P4HTM: variants seen among roughly 807,000 people sequenced by gnomAD.
The protein encoded by P4HTM is prolyl 4-hydroxylase, transmembrane, also known as transmembrane prolyl 4-hydroxylase.
In P4HTM, 33 loss-of-function variants were observed where a neutral mutation model predicts 55.3. That is an observed-to-expected ratio of 0.60 (90% CI 0.45 to 0.80). The LOEUF (loss-of-function observed/expected upper bound fraction) is 0.80, where lower values mean the gene tolerates loss of function less well. Among genes scored for constraint, P4HTM ranks in the 30% least tolerant of loss-of-function variants. P4HTM has a pLI of 0.00. For synonymous variants in P4HTM, 272 were observed against 286.4 expected (o/e 0.95, Z 0.51); for missense variants, 542 against 696.5 (o/e 0.78, Z 2.50).
At chr3:48,992,932 G>T (rs370196775) in intron 2 of P4HTM, among the ~76,000 whole-genome samples, 2 of 151,880 alleles carry the variant, frequency 1.3e-5, no homozygotes, top group East Asian at 4.0e-4. Context: ...CTCCCAAAGT[G>T]CTGGGATTAC....
At chr3:49,005,080 C>A in intron 6 of P4HTM, 34 bp downstream of exon 6, 1 of 1,613,818 alleles carries the variant, frequency 6.2e-7, no homozygotes, top group Middle Eastern at 1.6e-4. Flanking sequence ...TGCCTTCAAT[C>A]CTCAGACCAG....
intron 2 of P4HTM, among the ~76,000 whole-genome samples, chr3:48,993,426 G>A (rs1452100565): frequency 2.0e-5 from 3 of 152,086 alleles, no homozygotes; most frequent in Admixed American, 6.6e-5. Flanking sequence ...CACTACTAAC[G>A]ACTACTATGA....
At position 49,002,671 on chromosome 3, in the gene P4HTM, T is replaced by G. The variant is rs763283979; in HGVS notation, c.724+75T>G. On this transcript the variant is annotated intron_variant, in intron 4 of 8. Transcript: ENST00000383729. The surrounding 1 kb of genome is among the most constrained non-coding windows in gnomAD (Gnocchi z 4.4). ...TCCCAGGTGCACAATTTTGAAAACTTGGGCCCTTCCCCCACAGCCAGGCAG... is the reference window on the plus strand; with the variant it reads ...TCCCAGGTGCACAATTTTGAAAACTGGGGCCCTTCCCCCACAGCCAGGCAG... The G allele has an allele frequency of 8.5e-7, 1 of 1,174,052 alleles. No individual in the cohort carries two copies. The highest frequency in any genetic ancestry group is 1.2e-5 in the South Asian group (1 of 82,380). The allele number at this position is 1,174,052 out of a possible 1,614,324, so 72.7% of individuals were successfully genotyped here.
At chr3:48,995,611 C>G (rs1202387109) in intron 2 of P4HTM, among the ~76,000 whole-genome samples, 1 of 151,646 alleles carries the variant, frequency 6.6e-6, no homozygotes, top group African/African-American at 2.4e-5. Flanking sequence ...GAGATGGAGT[C>G]TCGCTCTGTT....
Position 49,002,537 on chromosome 3 carries a change from T to C in P4HTM, c.665T>C (p.Met222Thr). ...ACTCGCCTGGGAAATGGATGGTGGA[T>C]GACTCCAGAGAGCATTCAGGAGATG... ...AQTRLGNGWW[M>T]TPESIQEMYA... The change falls in exon 4 of 9, where the codon ATG becomes ACG. Residue 222 changes from methionine to threonine, a missense_variant. Transcript: ENST00000383729. This position sits in a 1 kb window ranked among gnomAD's most constrained non-coding sequence, Gnocchi z 4.4. The C allele has an allele frequency of 6.2e-7, 1 of 1,614,118 alleles. No individual in the cohort carries two copies.
At chr3:49,004,462 G>A in intron 5 of P4HTM, 1 of 586,186 alleles carries the variant, frequency 1.7e-6, no homozygotes. Context: ...CACACAATGG[G>A]CAACTGGGGT....
upstream of P4HTM, chr3:48,990,071 G>A: frequency 3.0e-6 from 1 of 335,494 alleles, no homozygotes; most frequent in Non-Finnish European, 4.5e-6. This position sits in a 1 kb window ranked among gnomAD's most constrained non-coding sequence, Gnocchi z 7.2. Flanking sequence ...AGCGTGGGCT[G>A]GGGCTCAAGG....
chr3:48,998,416 C>G (rs1265639453), intron 2 of P4HTM: 2 of 152,262 alleles, frequency 1.3e-5, no homozygotes, highest in East Asian at 3.9e-4. Context: ...CAGCTGGAAC[C>G]TCTCCATGTT....
In P4HTM at chr3:48,990,497, T is replaced by G. The variant is rs2092927541; in HGVS notation, c.241T>G (p.Phe81Val). 1.2e-6 allele frequency: 2 copies of G among 1,611,374 alleles called. No individual in the cohort carries two copies. The highest frequency in any genetic ancestry group is 4.5e-5 in the East Asian group (2 of 44,794). ...GGGTAACGTGCTGGCGCTGCTGCTCTTCGTGCACTACAGCAACGGCGACGA... is the reference window on the plus strand; with the variant it reads ...GGGTAACGTGCTGGCGCTGCTGCTCGTCGTGCACTACAGCAACGGCGACGA... ...YLGNVLALLL[F>V]VHYSNGDESS... is the part of the protein sequence containing the mutation. The change falls in exon 1 of 9, where the codon TTC becomes GTC. Residue 81 changes from phenylalanine to valine, a missense_variant. By Grantham distance (50) the Phe-to-Val change is conservative (BLOSUM62 -1). Around this residue, in one of 2 missense-constraint regions of P4HTM, gnomAD observed 536 missense variants for 672.1 expected, o/e 0.80. Transcript: ENST00000383729. This position sits in a 1 kb window ranked among gnomAD's most constrained non-coding sequence, Gnocchi z 7.2.
At position 48,990,401 on chromosome 3, in the gene P4HTM, C is replaced by T. The variant is rs558143096; in HGVS notation, c.145C>T (p.Leu49=). The change falls in exon 1 of 9, where the codon CTG becomes TTG. Residue 49 remains leucine, a synonymous_variant. Coordinates refer to ENST00000383729, the MANE Select transcript of P4HTM (RefSeq NM_177939.3). This position sits in a 1 kb window ranked among gnomAD's most constrained non-coding sequence, Gnocchi z 7.2. ...CGGCGAGGACGCACCGGTGCGTCCG[C>T]TGTGCAAGCCCCGCGGCATCTGCTC... ...GDGEDAPVRP[L]CKPRGICSRA... is the part of the protein sequence containing the mutation. 13 of 1,598,598 alleles carry T rather than the reference C, an allele frequency of 8.1e-6. No homozygotes were observed. In the African/African-American group the frequency reaches 1.3e-4, roughly 17 times the overall value.
chr3:48,990,866 G>A lies in P4HTM; in HGVS notation c.388G>A (p.Asp130Asn), dbSNP rs2092929319. Residue 130 changes from aspartate to asparagine, a missense_variant, in exon 2 of 9, where the codon GAC becomes AAC. Physicochemically the swap from Asp to Asn is conservative, Grantham distance 23. This residue lies in a region of P4HTM where 536 missense variants were observed against 672.1 expected (regional missense o/e 0.80). Transcript: ENST00000383729. The surrounding 1 kb of genome is among the most constrained non-coding windows in gnomAD (Gnocchi z 7.2). ...CGAGCGTAAGGTCCAGCTGGTCACCGACAGGGATCACTTCATCCGAACCCT... is the reference window on the plus strand; with the variant it reads ...CGAGCGTAAGGTCCAGCTGGTCACCAACAGGGATCACTTCATCCGAACCCT... ...GHERKVQLVTDRDHFIRTLSL... is the reference protein window; with the variant it reads ...GHERKVQLVTNRDHFIRTLSL... 1 of 1,613,874 alleles carries A rather than the reference G, an allele frequency of 6.2e-7. No individual in the cohort carries two copies. The highest frequency in any genetic ancestry group is 1.3e-5 in the African/African-American group (1 of 74,928).
chr3:49,006,217 G>T (rs751238636), intron 8 of P4HTM, 30 bp downstream of exon 8: 7 of 1,597,110 alleles, frequency 4.4e-6, no homozygotes, highest in Middle Eastern at 1.7e-4. Flanking sequence ...CCTGGGGGGG[G>T]TGCCCTGAGT....
At chr3:48,998,286 T>G (rs2092951539) in intron 2 of P4HTM, 3 of 152,226 alleles carry the variant, frequency 2.0e-5, no homozygotes, top group African/African-American at 7.2e-5. Context: ...GGGGTAGCTG[T>G]AGCAGGCCAT....
In P4HTM at chr3:49,006,699, A is replaced by G. The variant is rs761529578; in HGVS notation, c.1301A>G (p.Asp434Gly). The G allele has an allele frequency of 1.9e-6, 3 of 1,613,594 alleles. No homozygotes were observed. The highest frequency in any genetic ancestry group is 2.2e-5 in the South Asian group (2 of 91,088). The change falls in exon 9 of 9, where the codon GAC becomes GGC. Residue 434 changes from aspartate to glycine, a missense_variant. Asp to Gly is a moderately conservative substitution (Grantham distance 94). Transcript: ENST00000383729. Reference protein sequence around the residue: ...YLPDGQGWVGDVDDYSLHGGC... With the variant: ...YLPDGQGWVGGVDDYSLHGGC... ...CCTCCTCTTCTAGGTTGGGTGGGTG[A>G]CGTAGACGACTACTCGCTGCACGGG...
chr3:49,001,532 A>C lies in P4HTM; in HGVS notation c.531A>C (p.Glu177Asp). The change falls in exon 3 of 9, where the codon GAA becomes GAC. Residue 177 changes from glutamate (E) to aspartate (D), a missense_variant. Physicochemically the swap from Glu to Asp is conservative, Grantham distance 45. This residue lies in a region of P4HTM where 536 missense variants were observed against 672.1 expected (regional missense o/e 0.80). Coordinates refer to ENST00000383729, the MANE Select transcript of P4HTM (RefSeq NM_177939.3). ...AGCGCAGCCAGATCCTGCCTACTGA[A>C]GAGTATGAAGAGGCAATGAGCACTA... ...GLQRSQILPT[E>D]EYEEAMSTMQ... The C allele has an allele frequency of 1.2e-6, 2 of 1,613,872 alleles. No individual in the cohort carries two copies. The highest frequency in any genetic ancestry group is 1.7e-6 in the Non-Finnish European group (2 of 1,179,962).
At chr3:48,994,990 G>GCA (rs2092941466) in intron 2 of P4HTM, among the ~76,000 whole-genome samples, 1 of 152,006 alleles carries the variant, frequency 6.6e-6, no homozygotes, top group Non-Finnish European at 1.5e-5. Flanking sequence ...TAGTAGAGAT[G>GCA]GGGTTTCACC....
chr3:48,992,595 G>A (rs1409435800), intron 2 of P4HTM, among the ~76,000 whole-genome samples: 2 of 144,398 alleles, frequency 1.4e-5, no homozygotes, highest in African/African-American at 2.5e-5. Flanking sequence ...AACAGAGAGA[G>A]ACCCCTATCT....
chr3:49,006,469 T>C (rs573596300), intron 8 of P4HTM, among the ~76,000 whole-genome samples: 12 of 152,326 alleles, frequency 7.9e-5, no homozygotes, highest in Non-Finnish European at 1.5e-4. Context: ...GGAAGGGATA[T>C]GGACAGGCCC....
intron 7 of P4HTM, 25 bp downstream of exon 7, chr3:49,005,892 C>T (rs751838648): frequency 6.5e-7 from 1 of 1,533,664 alleles, no homozygotes; most frequent in Non-Finnish European, 8.8e-7. Context: ...GGCTATTACT[C>T]TTGTGGGCTG....
Sources: gnomAD v4.1 joint callset for allele counts (sites outside exome capture counted in the v4.1 genomes callset) on GRCh38, gnomAD v4.1.1 for gene constraint, gnomAD v4.1.1 regional missense constraint, Gnocchi (gnomAD v3.1) non-coding constraint, MANE v1.5 for transcripts, NCBI Gene and HGNC (gene_info 2026-07-23, HGNC 2026-07-21) for gene names.